The following ABCD3 variants were observed in gnomAD, a reference collection of about 807,000 sequenced individuals.
The protein encoded by ABCD3 is ATP binding cassette subfamily D member 3.
Under a neutral mutation model 105.5 loss-of-function variants are expected in ABCD3, and 41 were observed. That is an observed-to-expected ratio of 0.39 (90% confidence interval 0.30 to 0.50). ABCD3 has a LOEUF of 0.50. ABCD3 is among the 20% of genes least tolerant of loss of function. ABCD3 has a pLI of 0.84. For missense variants in ABCD3, 622 were observed against 806.3 expected (o/e 0.77, Z 2.77); for synonymous variants, 258 against 269.0 (o/e 0.96, Z 0.40).
intron 2 of ABCD3, among the ~76,000 whole-genome samples, chr1:94,462,556 A>G (rs1309236336): frequency 6.6e-6 from 1 of 152,222 alleles, no homozygotes; most frequent in Non-Finnish European, 1.5e-5. Flanking sequence ...CAGTTTAAGG[A>G]TAGGGAAAGT....
At chr1:94,433,696 T>C (rs116782563) in intron 1 of ABCD3, among the ~76,000 whole-genome samples, 186 of 151,274 alleles carry the variant, frequency 1.2e-3, no homozygotes, top group African/African-American at 4.4e-3. Flanking sequence ...GCCTAGGCTT[T>C]AGTGCAGCAG....
chr1:94,437,341 A>AT (rs1659944900), intron 1 of ABCD3, among the ~76,000 whole-genome samples: 1 of 152,216 alleles, frequency 6.6e-6, no homozygotes, highest in African/African-American at 2.4e-5. Flanking sequence ...GCAGCAAGCA[A>AT]TTTTAAGTTG....
the ABCD3 span, chr1:94,406,505 G>T: frequency 7.5e-6 from 3 of 398,058 alleles, no homozygotes; most frequent in South Asian, 2.1e-5. Flanking sequence ...GTTGAATCCA[G>T]GTACCTTTCT....
At chr1:94,496,769 ATTT>A (rs34336196) in intron 16 of ABCD3, among the ~76,000 whole-genome samples, 4 of 109,216 alleles carry the variant, frequency 3.7e-5, no homozygotes, top group Non-Finnish European at 5.3e-5. Context: ...GTACCAGCAA[ATTT>A]TTTTTTTTTT....
chr1:94,415,987 T>C (rs1658993131), upstream of ABCD3, among the ~76,000 whole-genome samples: 1 of 152,242 alleles, frequency 6.6e-6, no homozygotes, highest in Non-Finnish European at 1.5e-5. Flanking sequence ...GCTAAAATTA[T>C]TTGAGCTCGA....
At chr1:94,423,122 A>G (rs2100868852) in intron 1 of ABCD3, among the ~76,000 whole-genome samples, 1 of 152,236 alleles carries the variant, frequency 6.6e-6, no homozygotes, top group South Asian at 2.1e-4. Flanking sequence ...TCATGCTGTT[A>G]CTCATACCTA....
intron 1 of ABCD3, among the ~76,000 whole-genome samples, chr1:94,457,188 T>C (rs904950186): frequency 2.0e-5 from 3 of 152,226 alleles, no homozygotes; most frequent in Non-Finnish European, 4.4e-5. Context: ...TCCCATAGTT[T>C]ATCTCTTCAC....
Position 94,517,865 on chromosome 1 carries a change from C to G in ABCD3, c.*736C>G, listed in dbSNP as rs1186806513. ...CTTCCCAATGTTTGGGATATTAAAA[C>G]ACAAAGTCCTTAACATGCCAGGCTC... On this transcript the variant is annotated 3_prime_UTR_variant, in exon 23 of 23. Coordinates refer to ENST00000370214, the MANE Select transcript of ABCD3 (RefSeq NM_002858.4). The G allele has an allele frequency of 1.3e-5, 2 of 152,294 alleles. No homozygotes were observed. The highest frequency in any genetic ancestry group is 4.8e-5 in the African/African-American group (2 of 41,412). 9.4% of individuals were successfully genotyped at this position (152,294 alleles called of 1,614,324 possible). A position where few individuals can be genotyped will look rare whatever the true frequency, so the allele number is the denominator to read the frequency against.
At chr1:94,413,232 T>C in the ABCD3 span, among the ~76,000 whole-genome samples, 1 of 152,228 alleles carries the variant, frequency 6.6e-6, no homozygotes, top group East Asian at 1.9e-4. Flanking sequence ...AATTCATTCT[T>C]TGAGCAATTT....
intron 4 of ABCD3, among the ~76,000 whole-genome samples, chr1:94,471,426 C>T (rs560805122): frequency 1.1e-3 from 164 of 149,924 alleles, no homozygotes; most frequent in African/African-American, 3.9e-3. Flanking sequence ...GCTGTGGTGG[C>T]ACATACCTAC....
At chr1:94,447,425 A>G (rs1163428910) in intron 1 of ABCD3, among the ~76,000 whole-genome samples, 1 of 152,236 alleles carries the variant, frequency 6.6e-6, no homozygotes, top group Non-Finnish European at 1.5e-5. Context: ...TAGATTTAAA[A>G]GACTGTTTCT....
At chr1:94,399,590 C>T in the ABCD3 span, among the ~76,000 whole-genome samples, 1 of 152,304 alleles carries the variant, frequency 6.6e-6, no homozygotes, top group East Asian at 1.9e-4. Flanking sequence ...TGAGGTGGAA[C>T]CCAGACTCAT....
Position 94,480,621 on chromosome 1 carries a change from A to G in ABCD3, c.827+15A>G, listed in dbSNP as rs775197163. On this transcript the variant is annotated intron_variant, in intron 9 of 22. Coordinates refer to ENST00000370214, the MANE Select transcript of ABCD3 (RefSeq NM_002858.4). ...ATCACAAACAGGTAAAGACAAATGC[A>G]TTAAAGCCTTGCTAAAAATTAATTT... The G allele has an allele frequency of 1.2e-5, 19 of 1,613,402 alleles. No homozygotes were observed. Among genetic ancestry groups the G allele is most frequent in the East Asian group, 2.2e-5 (1 of 44,830 alleles).
intron 8 of ABCD3, among the ~76,000 whole-genome samples, chr1:94,478,982 GTTA>G (rs1648900958): frequency 1.3e-5 from 2 of 152,046 alleles, no homozygotes; most frequent in African/African-American, 2.4e-5. Context: ...AATATGTAAT[GTTA>G]TTGTTACATA....
intron 11 of ABCD3, 33 bp downstream of exon 11, chr1:94,487,644 G>A: frequency 6.2e-7 from 1 of 1,612,880 alleles, no homozygotes; most frequent in Non-Finnish European, 8.5e-7. Context: ...GAGATTTGTG[G>A]AAAAGGTGAA....
At chr1:94,515,737 C>T (rs1650886128) in intron 22 of ABCD3, among the ~76,000 whole-genome samples, 1 of 151,948 alleles carries the variant, frequency 6.6e-6, no homozygotes, top group Non-Finnish European at 1.5e-5. Flanking sequence ...GCCATTCTCA[C>T]TATGTCAGTT....
Position 94,475,717 on chromosome 1 carries a change from C to T in ABCD3, c.607C>T (p.Leu203=). Residue 203 remains leucine (L), a synonymous_variant, in exon 7 of 23, where the codon CTG becomes TTG. Transcript: ENST00000370214. ...VEKFCNSVVD[L]YSNLSKPFLD... Reference sequence around the variant, plus strand: ...AAAATTTTGTAACAGTGTAGTCGATCTGTATTCAAATCTTAGTAAGGTAAG... The same window carrying T: ...AAAATTTTGTAACAGTGTAGTCGATTTGTATTCAAATCTTAGTAAGGTAAG... 1 of 1,604,514 alleles carries T rather than the reference C, an allele frequency of 6.2e-7. No homozygotes were observed. The highest frequency in any genetic ancestry group is 8.5e-7 in the Non-Finnish European group (1 of 1,171,820).
At chr1:94,504,765 G>A (rs868298522) in intron 20 of ABCD3, among the ~76,000 whole-genome samples, 5 of 152,128 alleles carry the variant, frequency 3.3e-5, no homozygotes, top group Admixed American at 2.6e-4. Context: ...ATGTTCTCTG[G>A]TTACATGGAG....
intron 21 of ABCD3, among the ~76,000 whole-genome samples, chr1:94,508,093 T>C (rs1350148055): frequency 6.6e-6 from 1 of 151,864 alleles, no homozygotes. Flanking sequence ...TGGTAATGCC[T>C]AGGTTTTCTC....
Sources: gnomAD v4.1 joint callset for allele counts (sites outside exome capture counted in the v4.1 genomes callset) on GRCh38, gnomAD v4.1.1 for gene constraint, MANE v1.5 for transcripts, NCBI Gene and HGNC (gene_info 2026-07-23, HGNC 2026-07-21) for gene names.